Variants in SLC25A36 observed in about 807,000 individuals in gnomAD.
SLC25A36 encodes solute carrier family 25 member 36.
A neutral mutation model predicts 35.3 loss-of-function variants in SLC25A36; 24 were observed. The ratio of observed to expected loss-of-function variants is 0.68; its 90% CI spans 0.49 to 0.96. The LOEUF (loss-of-function observed/expected upper bound fraction) is 0.96, where lower values mean the gene tolerates loss of function less well. Among genes scored for constraint, SLC25A36 ranks in the 40% least tolerant of loss-of-function variants. The pLI is 0.00. For synonymous variants in SLC25A36, 141 were observed against 132.2 expected (o/e 1.07, Z -0.46); for missense variants, 294 against 381.1 (o/e 0.77, Z 1.90).
intron 4 of SLC25A36, chr3:140,966,150 A>C (rs11711131): frequency 6.5e-6 from 1 of 152,934 alleles, no homozygotes. Context: ...TTATTTTTCA[A>C]TTTATGTTTT....
chr3:140,973,641 TTAG>T (rs1934962567), intron 5 of SLC25A36, 72 bp from the exon 6 acceptor site: 2 of 1,066,508 alleles, frequency 1.9e-6, no homozygotes, highest in South Asian at 7.1e-5. Flanking sequence ...TCTTTTATTA[TTAG>T]AATGACATAT....
intron 6 of SLC25A36, among the ~76,000 whole-genome samples, chr3:140,974,586 A>C (rs1036226116): frequency 2.6e-5 from 4 of 152,170 alleles, no homozygotes; most frequent in African/African-American, 9.7e-5. Context: ...TTCTGTATTT[A>C]AATTTTATAA....
chr3:140,969,849 A>G (rs183305147), intron 4 of SLC25A36, among the ~76,000 whole-genome samples: 1 of 152,070 alleles, frequency 6.6e-6, no homozygotes, highest in Admixed American at 6.6e-5. Context: ...AGCCACCTTT[A>G]TAAAAAGAAT....
chr3:140,951,093 C>T (rs1934311970), intron 1 of SLC25A36, among the ~76,000 whole-genome samples: 1 of 152,114 alleles, frequency 6.6e-6, no homozygotes, highest in Non-Finnish European at 1.5e-5. Context: ...AAAACTGCTG[C>T]TTTTTGGTAT....
intron 1 of SLC25A36, among the ~76,000 whole-genome samples, chr3:140,954,796 A>C (rs561293911): frequency 6.6e-6 from 1 of 151,948 alleles, no homozygotes; most frequent in Non-Finnish European, 1.5e-5. Flanking sequence ...AGTTTCTTTC[A>C]TTGTGTTAGC....
At position 140,968,664 on chromosome 3, in the gene SLC25A36, T is replaced by C. The variant is rs992487253; in HGVS notation, c.386-2263T>C. 3.1e-6 allele frequency: 3 copies of C among 981,428 alleles called. No homozygotes were observed. The African/African-American group carries it at 5.2e-5, about 17-fold the overall frequency. 60.8% of individuals were successfully genotyped at this position (981,428 alleles called of 1,614,324 possible). On this transcript the variant is annotated intron_variant, in intron 4 of 6. Transcript: ENST00000324194. ...TATTGTACTATTGTAAAGTTTTTTA[T>C]ATATGGGTTTTTTTCCAGCCTCAAA... is the stretch of plus-strand genomic sequence containing the variant.
intron 4 of SLC25A36, 132 bp downstream of exon 4, chr3:140,963,359 G>A (rs905236358): frequency 1.1e-5 from 7 of 615,336 alleles, no homozygotes; most frequent in African/African-American, 3.9e-5. Flanking sequence ...TACGTTTATC[G>A]ATATAAACCA....
chr3:140,972,563 G>A (rs1484809159), intron 5 of SLC25A36, among the ~76,000 whole-genome samples: 1 of 151,736 alleles, frequency 6.6e-6, no homozygotes, highest in African/African-American at 2.4e-5. Context: ...TTGAGCCCAG[G>A]AGTTTGAGGC....
At chr3:140,962,992 C>A in intron 3 of SLC25A36, 135 bp from the exon 4 acceptor site, 1 of 484,158 alleles carries the variant, frequency 2.1e-6, no homozygotes, top group African/African-American at 2.0e-5. Flanking sequence ...AAGTGTAAAT[C>A]TAATGTTACA....
chr3:140,944,624 A>AT, intron 1 of SLC25A36, among the ~76,000 whole-genome samples: 1 of 152,110 alleles, frequency 6.6e-6, no homozygotes, highest in South Asian at 2.1e-4. Context: ...GAGGCAGCTC[A>AT]TTTTTTTTCT....
In SLC25A36 at chr3:140,959,488, C is replaced by T. The variant is rs1237311258; in HGVS notation, c.232C>T (p.Arg78Cys). ...GGTGATCTTGGAAAAAGAAGGGCCT[C>T]GTTCCTTGTTTAGAGGACTAGGCCC... ...LKVILEKEGP[R>C]SLFRGLGPNL... The change falls in exon 3 of 7, where the codon CGT (arginine) becomes TGT (cysteine). Residue 78 changes from arginine (R) to cysteine (C), a missense_variant. Transcript: ENST00000324194. 2.6e-6 allele frequency: 4 copies of T among 1,519,790 alleles called. No individual in the cohort carries two copies. Among genetic ancestry groups the T allele is most frequent in the Non-Finnish European group, 3.5e-6 (4 of 1,143,322 alleles). The allele number at this position is 1,519,790 out of a possible 1,614,324, so 94.1% of individuals were successfully genotyped here.
In SLC25A36 at chr3:140,956,649, G is replaced by C; in HGVS notation, c.164G>C (p.Ser55Thr). 4 of 1,613,860 alleles carry C rather than the reference G, an allele frequency of 2.5e-6. No individual in the cohort carries two copies. Among genetic ancestry groups the C allele is most frequent in the Non-Finnish European group, 2.5e-6 (3 of 1,179,916 alleles). Reference sequence around the variant, plus strand: ...CAGCTGAACACCATGGCTGGAGCCAGTGTCAACCGAGTAGTGTCTCCCGGA... The same window carrying C: ...CAGCTGAACACCATGGCTGGAGCCACTGTCAACCGAGTAGTGTCTCCCGGA... Reference protein sequence around the residue: ...EVQLNTMAGASVNRVVSPGPL... With the variant: ...EVQLNTMAGATVNRVVSPGPL... The change falls in exon 2 of 7, where the codon AGT (serine) becomes ACT (threonine). Residue 55 changes from serine (S) to threonine (T), a missense_variant. By Grantham distance (58) the Ser-to-Thr change is moderately conservative (BLOSUM62 1). This residue lies in a region of SLC25A36 where 185 missense variants were observed against 201.5 expected (regional missense o/e 0.92). Coordinates refer to ENST00000324194, the MANE Select transcript of SLC25A36 (RefSeq NM_001104647.3).
intron 1 of SLC25A36, among the ~76,000 whole-genome samples, chr3:140,954,149 A>AT (rs894627095): frequency 6.6e-6 from 1 of 152,074 alleles, no homozygotes; most frequent in Admixed American, 6.5e-5. Flanking sequence ...GAGGGGGATA[A>AT]TTTTTTTAAC....
chr3:140,975,703 T>A (rs1298571938), intron 6 of SLC25A36, among the ~76,000 whole-genome samples: 2 of 152,232 alleles, frequency 1.3e-5, no homozygotes, highest in African/African-American at 4.8e-5. Context: ...ATTCAGCTCT[T>A]AAAAATTTAT....
At chr3:140,968,619 TAAC>T (rs1365220519) in intron 4 of SLC25A36, 28 of 951,854 alleles carry the variant, frequency 2.9e-5, no homozygotes, top group East Asian at 1.2e-4. Flanking sequence ...GTTTTGTTCC[TAAC>T]AACATTTATA....
rs1390527023 is a variant in SLC25A36, at chr3:140,956,678, C to T, written c.193C>T (p.Leu65Phe). 8.7e-6 allele frequency: 14 copies of T among 1,608,340 alleles called. No homozygotes were observed. Among genetic ancestry groups the T allele is most frequent in the Non-Finnish European group, 9.3e-6 (11 of 1,177,610 alleles). Residue 65 changes from leucine to phenylalanine, a missense_variant, in exon 2 of 7, where the codon CTT (leucine) becomes TTT (phenylalanine). Leu to Phe is a conservative substitution (Grantham distance 22). Coordinates refer to ENST00000324194, the MANE Select transcript of SLC25A36 (RefSeq NM_001104647.3). Reference protein sequence around the residue: ...SVNRVVSPGPLHCLKVILEKE... With the variant: ...SVNRVVSPGPFHCLKVILEKE... ...CAACCGAGTAGTGTCTCCCGGACCTCTTCATTGCCTAAAGTGAGAGCATAG... is the reference window on the plus strand; with the variant it reads ...CAACCGAGTAGTGTCTCCCGGACCTTTTCATTGCCTAAAGTGAGAGCATAG...
intron 3 of SLC25A36, among the ~76,000 whole-genome samples, chr3:140,959,916 T>C (rs1454102818): frequency 6.6e-6 from 1 of 152,156 alleles, no homozygotes; most frequent in Non-Finnish European, 1.5e-5. Context: ...GTATCGCATA[T>C]TATACCTAGA....
intron 1 of SLC25A36, among the ~76,000 whole-genome samples, chr3:140,948,203 C>T (rs759653294): frequency 2.0e-5 from 3 of 152,244 alleles, no homozygotes; most frequent in Non-Finnish European, 4.4e-5. Context: ...GATCCACCCA[C>T]CTTGGCCTCC....
At chr3:140,953,707 C>A (rs6785007) in intron 1 of SLC25A36, among the ~76,000 whole-genome samples, 40,443 of 152,034 alleles carry the variant, frequency 0.27, 8,916 homozygotes, top group African/African-American at 0.61. Context: ...TTATAATCCC[C>A]GTACTTTGGA....
Sources: allele counts gnomAD v4.1 joint callset (sites outside exome capture counted in the v4.1 genomes callset), GRCh38; gene constraint gnomAD v4.1.1; regional missense constraint gnomAD v4.1.1; transcripts MANE v1.5; gene names NCBI Gene and HGNC (gene_info 2026-07-23, HGNC 2026-07-21).